The following PIWIL2 variants were observed in gnomAD, a reference collection of about 807,000 sequenced individuals.
The protein encoded by PIWIL2 is piwi-like protein 2.
PIWIL2 carries 81 observed loss-of-function variants against 116.5 expected under a neutral mutation model. The ratio of observed to expected loss-of-function variants is 0.70; its 90% confidence interval spans 0.58 to 0.84. PIWIL2 has a LOEUF of 0.84. PIWIL2 is among the 40% of genes least tolerant of loss of function. The pLI is 0.00. For synonymous variants in PIWIL2, 489 were observed against 429.5 expected (o/e 1.14, Z -1.71); for missense variants, 1,272 against 1,212.3 (o/e 1.05, Z -0.73).
intron 18 of PIWIL2, among the ~76,000 whole-genome samples, 176 bp downstream of exon 18, chr8:22,315,321 T>G (rs1010626133): frequency 6.6e-6 from 1 of 152,314 alleles, no homozygotes; most frequent in South Asian, 2.1e-4. Context: ...TGTTTTTTGT[T>G]TTTTGTGTTT....
chr8:22,316,055 C>A (rs983475980), intron 18 of PIWIL2, among the ~76,000 whole-genome samples, 190 bp from the exon 19 acceptor site: 1 of 152,138 alleles, frequency 6.6e-6, no homozygotes, highest in African/African-American at 2.4e-5. Flanking sequence ...GATCCCTGAT[C>A]TAGATCTTAA....
intron 20 of PIWIL2, among the ~76,000 whole-genome samples, 162 bp downstream of exon 20, chr8:22,318,437 C>G (rs1831519203): frequency 6.6e-6 from 1 of 152,078 alleles, no homozygotes; most frequent in Non-Finnish European, 1.5e-5. Context: ...CCTGCCTCAG[C>G]CTTCCAAGTA....
Position 22,279,525 on chromosome 8 carries a change from A to G in PIWIL2, c.139A>G (p.Arg47Gly). The change falls in exon 2 of 23, where the codon AGA (arginine) becomes GGA (glycine). Residue 47 changes from arginine to glycine, a missense_variant. Coordinates refer to ENST00000356766, the MANE Select transcript of PIWIL2 (RefSeq NM_018068.5). ...PALGRGAPAG[R>G]GHVFGKPEEP... ...TCTGGGCAGGGGAGCACCTGCAGGC[A>G]GAGGCCATGTATTTGGAAAGCCAGA... 1 of 1,614,222 alleles carries G rather than the reference A, an allele frequency of 6.2e-7. No individual in the cohort carries two copies. Among genetic ancestry groups the G allele is most frequent in the Non-Finnish European group, 8.5e-7 (1 of 1,180,038 alleles).
intron 2 of PIWIL2, among the ~76,000 whole-genome samples, chr8:22,280,308 C>T (rs145590031): frequency 1.1e-3 from 171 of 152,204 alleles, no homozygotes; most frequent in African/African-American, 3.9e-3. Context: ...AGGCTCATTG[C>T]CCAAATCTTA....
Position 22,287,549 on chromosome 8 carries a change from C to T in PIWIL2, c.765C>T (p.Ser255=), listed in dbSNP as rs141882601. 18 of 1,612,784 alleles carry T rather than the reference C, an allele frequency of 1.1e-5. No homozygotes were observed. The highest frequency in any genetic ancestry group is 1.5e-5 in the Non-Finnish European group (18 of 1,178,852). ...VTFSPNVECK[S]MRFGMLKDHQ... ...CCAGCCCCAATGTGGAGTGCAAAAG[C>T]ATGAGGTTCGGCATGTTGAAGGACC... Residue 255 remains serine (S), a synonymous_variant, in exon 7 of 23, where the codon AGC becomes AGT. Coordinates refer to ENST00000356766, the MANE Select transcript of PIWIL2 (RefSeq NM_018068.5).
At chr8:22,279,139 T>C (rs761972720) in intron 1 of PIWIL2, among the ~76,000 whole-genome samples, 2 of 152,088 alleles carry the variant, frequency 1.3e-5, no homozygotes, top group East Asian at 1.9e-4. Flanking sequence ...GCCAAAAAGG[T>C]TGGGGACCAC....
intron 14 of PIWIL2, among the ~76,000 whole-genome samples, chr8:22,308,945 T>C: frequency 6.6e-6 from 1 of 150,590 alleles, no homozygotes. Context: ...GCCACCACGC[T>C]AGCCCTTGTT....
rs575951066 is a variant in PIWIL2, at chr8:22,325,759, C to T, written c.2403+7484C>T. On this transcript the variant is annotated intron_variant, in intron 20 of 22. Transcript: ENST00000356766. ...TCAGCCTCCCAAAGTGCTGGGATTACAGGTGTGACCCATCGCGCCCAGCCT... is the reference window on the plus strand; with the variant it reads ...TCAGCCTCCCAAAGTGCTGGGATTATAGGTGTGACCCATCGCGCCCAGCCT... Among the ~76,000 whole-genome samples the T allele has an allele frequency of 9.2e-5, 14 of 152,228 alleles. No individual in the cohort carries two copies. The South Asian group carries it at 2.9e-3, about 32-fold the overall frequency.
At chr8:22,320,184 A>T (rs1281411288) in intron 20 of PIWIL2, among the ~76,000 whole-genome samples, 2 of 150,810 alleles carry the variant, frequency 1.3e-5, no homozygotes, top group Non-Finnish European at 2.9e-5. Context: ...GCTGGTCTTG[A>T]ACTCCTGACC....
chr8:22,346,139 G>A (rs1159002077), intron 20 of PIWIL2, among the ~76,000 whole-genome samples: 1 of 152,088 alleles, frequency 6.6e-6, no homozygotes, highest in Non-Finnish European at 1.5e-5. Flanking sequence ...TGGGAGTATT[G>A]CTTGAGGCCA....
chr8:22,279,632 T>C, intron 2 of PIWIL2, 48 bp downstream of exon 2: 1 of 1,535,398 alleles, frequency 6.5e-7, no homozygotes, highest in Non-Finnish European at 9.0e-7. Flanking sequence ...CTTACCTGTG[T>C]GCCGTCAGAG....
At position 22,291,219 on chromosome 8, in the gene PIWIL2, C is replaced by G. The variant is rs181460193; in HGVS notation, c.1181+873C>G. On this transcript the variant is annotated intron_variant, in intron 10 of 22. Transcript: ENST00000356766. Reference sequence around the variant, plus strand: ...AGGCTGAAGTGCAGTAGTGTGATCTCAACTCACTGCAACCTCTGCCTCCTG... The same window carrying G: ...AGGCTGAAGTGCAGTAGTGTGATCTGAACTCACTGCAACCTCTGCCTCCTG... 7.5e-4 allele frequency among the ~76,000 whole-genome samples: 113 copies of G among 151,468 alleles called. 1 individual carries two copies. The highest frequency in any genetic ancestry group is 1.0e-3 in the Non-Finnish European group (71 of 67,892).
intron 19 of PIWIL2, among the ~76,000 whole-genome samples, chr8:22,317,275 A>G (rs1336231516): frequency 2.6e-5 from 4 of 152,176 alleles, no homozygotes; most frequent in Admixed American, 1.3e-4. Flanking sequence ...GAAAGTGAGA[A>G]TTCCTCATGG....
In PIWIL2 at chr8:22,355,422, G is replaced by T. The variant is rs759134973; in HGVS notation, c.2839G>T (p.Ala947Ser). The change falls in exon 23 of 23, where the codon GCC becomes TCC. Residue 947 changes from alanine (A) to serine (S), a missense_variant. Ala to Ser is a moderately conservative substitution (Grantham distance 99, BLOSUM62 1). Transcript: ENST00000356766. ...TIRVPAPCKY[A>S]HKLAFLSGHI... ...CAGAGTTCCAGCTCCTTGCAAGTAT[G>T]CCCACAAGCTAGCTTTCCTGTCAGG... The T allele has an allele frequency of 6.2e-7, 1 of 1,614,088 alleles. No individual in the cohort carries two copies. Among genetic ancestry groups the T allele is most frequent in the South Asian group, 1.1e-5 (1 of 91,078 alleles).
intron 4 of PIWIL2, among the ~76,000 whole-genome samples, chr8:22,282,074 C>CTTT (rs397963368): frequency 5.0e-4 from 44 of 88,800 alleles, no homozygotes; most frequent in African/African-American, 1.9e-3. Flanking sequence ...TGTGCGTGGA[C>CTTT]TTTTTTTTTT....
chr8:22,284,672 C>A (rs1342620710), intron 6 of PIWIL2, among the ~76,000 whole-genome samples: 1 of 143,906 alleles, frequency 6.9e-6, no homozygotes, highest in Non-Finnish European at 1.5e-5. Flanking sequence ...AAATCCATGC[C>A]CTATGAAACC....
chr8:22,337,560 T>C (rs1832007619), intron 20 of PIWIL2, among the ~76,000 whole-genome samples: 1 of 149,956 alleles, frequency 6.7e-6, no homozygotes, highest in Non-Finnish European at 1.5e-5. Context: ...AAACCCTGTC[T>C]CTACTAAATT....
intron 20 of PIWIL2, among the ~76,000 whole-genome samples, chr8:22,326,532 T>C (rs1212978218): frequency 6.6e-6 from 1 of 152,176 alleles, no homozygotes; most frequent in Non-Finnish European, 1.5e-5. Flanking sequence ...TCTGGTAACA[T>C]CTAATTTGCT....
rs561845950 is a variant in PIWIL2, at chr8:22,329,112, TTCC to T, written c.2403+10839_2403+10841del. On this transcript the variant is annotated intron_variant, in intron 20 of 22. Transcript: ENST00000356766. ...TGTTAGCTCTGAGTTTTTCATAAAT[TTCC>T]TTTATCATGTTAAGAAAGTTTCTGC... 4.3e-4 allele frequency among the ~76,000 whole-genome samples: 65 copies of T among 152,260 alleles called. 1 individual carries two copies. The highest frequency in any genetic ancestry group is 1.6e-3 in the African/African-American group (65 of 41,566).
Sources: gnomAD v4.1 joint callset for allele counts (sites outside exome capture counted in the v4.1 genomes callset) on GRCh38, gnomAD v4.1.1 for gene constraint, MANE v1.5 for transcripts, NCBI Gene and HGNC (gene_info 2026-07-23, HGNC 2026-07-21) for gene names.